Variants in CDH18 observed in about 807,000 individuals in gnomAD.
The protein encoded by CDH18 is cadherin-18.
Under a neutral mutation model 67.9 loss-of-function variants are expected in CDH18, and 31 were observed. The observed-to-expected ratio is 0.46, with a 90% CI of 0.34 to 0.62. CDH18 has a LOEUF of 0.62. Among genes scored for constraint, CDH18 ranks in the 20% least tolerant of loss-of-function variants. The pLI, the probability that CDH18 is intolerant of heterozygous loss-of-function variation, is 0.01. For synonymous variants in CDH18, 362 were observed against 347.2 expected (o/e 1.04, Z -0.48); for missense variants, 890 against 975.5 (o/e 0.91, Z 1.17).
At chr5:20,131,239 A>G (rs1749245701) in intron 2 of CDH18, among the ~76,000 whole-genome samples, 1 of 152,062 alleles carries the variant, frequency 6.6e-6, no homozygotes, top group Admixed American at 6.6e-5. Flanking sequence ...AAAACAGTAA[A>G]TATTGCTCTG....
chr5:20,044,020 T>C (rs1740684475), intron 2 of CDH18, among the ~76,000 whole-genome samples: 1 of 152,138 alleles, frequency 6.6e-6, no homozygotes, highest in East Asian at 1.9e-4. Flanking sequence ...AGTTAGAAAG[T>C]GAAGGGAGTG....
chr5:19,926,455 T>C (rs999384267), intron 2 of CDH18, among the ~76,000 whole-genome samples: 12 of 152,288 alleles, frequency 7.9e-5, no homozygotes, highest in Admixed American at 5.9e-4. Context: ...GGACTACATG[T>C]ACTTACTTAT....
chr5:19,641,925 C>T (rs1030263102), intron 5 of CDH18, among the ~76,000 whole-genome samples: 1 of 151,794 alleles, frequency 6.6e-6, no homozygotes, highest in Non-Finnish European at 1.5e-5. Context: ...AGGTCCTCTG[C>T]ATATATGTAG....
At chr5:20,327,933 A>T (rs1372527026) in intron 1 of CDH18, among the ~76,000 whole-genome samples, 1 of 151,930 alleles carries the variant, frequency 6.6e-6, no homozygotes, top group East Asian at 1.9e-4. Flanking sequence ...TAAAAGAAAA[A>T]GTCTGAAGGA....
At chr5:20,430,374 T>A (rs1165085481) in intron 1 of CDH18, among the ~76,000 whole-genome samples, 1 of 152,072 alleles carries the variant, frequency 6.6e-6, no homozygotes, top group East Asian at 1.9e-4. Context: ...AAACTGAAGT[T>A]AAGATGAGTG....
At position 20,511,554 on chromosome 5, in the gene CDH18, G is replaced by T. The variant is rs1755038771; in HGVS notation, c.-580+63908C>A. ...AGATTAAAAGTGATATAACCCCTAT[G>T]AACAGTGAATGGAATTATATTCAAC... On this transcript the variant is annotated intron_variant, in intron 1 of 14. Transcript: ENST00000507958. Among the ~76,000 whole-genome samples, 3 of 152,144 alleles carry T rather than the reference G, an allele frequency of 2.0e-5. No homozygotes were observed. The South Asian group carries it at 6.2e-4, about 32-fold the overall frequency.
At chr5:19,624,044 G>C (rs1751125033) in intron 5 of CDH18, among the ~76,000 whole-genome samples, 2 of 148,280 alleles carry the variant, frequency 1.3e-5, no homozygotes, top group Non-Finnish European at 3.0e-5. Flanking sequence ...TTTCACTCTT[G>C]TTCCCCCAGC....
chr5:20,538,898 GT>G (rs376091293), intron 1 of CDH18, among the ~76,000 whole-genome samples: 3 of 106,766 alleles, frequency 2.8e-5, no homozygotes, highest in African/African-American at 6.4e-5. Context: ...ATAGCCAACT[GT>G]TTTTTTTTTG....
chr5:20,103,168 T>G (rs1746621306), intron 2 of CDH18, among the ~76,000 whole-genome samples: 1 of 152,190 alleles, frequency 6.6e-6, no homozygotes, highest in African/African-American at 2.4e-5. Context: ...GAAACATCCC[T>G]TGTCAAATTG....
At chr5:19,576,608 G>A (rs1400017113) in intron 7 of CDH18, among the ~76,000 whole-genome samples, 1 of 152,172 alleles carries the variant, frequency 6.6e-6, no homozygotes, top group Non-Finnish European at 1.5e-5. Context: ...GTATTGGCAA[G>A]GATGTGGAGA....
At chr5:19,872,699 T>C (rs1160975483) in intron 2 of CDH18, among the ~76,000 whole-genome samples, 1 of 152,210 alleles carries the variant, frequency 6.6e-6, no homozygotes, top group African/African-American at 2.4e-5. Flanking sequence ...AGAGCTTCAG[T>C]TAAGTCAGCT....
intron 5 of CDH18, among the ~76,000 whole-genome samples, chr5:19,656,597 A>T (rs1364181868): frequency 6.6e-6 from 1 of 152,096 alleles, no homozygotes; most frequent in Non-Finnish European, 1.5e-5. Flanking sequence ...AATATATAAA[A>T]TGTCAGGTGG....
At chr5:20,095,589 G>GAAAGAAAGAAAGA (rs1745915545) in intron 2 of CDH18, among the ~76,000 whole-genome samples, 2 of 141,744 alleles carry the variant, frequency 1.4e-5, no homozygotes, top group African/African-American at 5.3e-5. Flanking sequence ...AGGAAGAAAG[G>GAAAGAAAGAAAGA]AAGAAAGAAG....
At chr5:20,049,139 AAT>A (rs1741175619) in intron 2 of CDH18, among the ~76,000 whole-genome samples, 1 of 151,784 alleles carries the variant, frequency 6.6e-6, no homozygotes, top group African/African-American at 2.4e-5. Context: ...GCTAACAGCT[AAT>A]AAAATATAAA....
chr5:20,299,548 C>G (rs916927493), intron 1 of CDH18, among the ~76,000 whole-genome samples: 6 of 151,834 alleles, frequency 4.0e-5, no homozygotes, highest in African/African-American at 1.5e-4. Context: ...ATCACAAGGT[C>G]AGAAGTTCGA....
intron 2 of CDH18, among the ~76,000 whole-genome samples, chr5:20,205,033 C>G (rs972061048): frequency 2.6e-5 from 4 of 151,862 alleles, no homozygotes; most frequent in Non-Finnish European, 5.9e-5. Context: ...AGAAAACAAG[C>G]AACAGAATGG....
Position 19,557,126 on chromosome 5 carries a change from G to A in CDH18, c.1254-13121C>T, listed in dbSNP as rs1010475231. The stretch of plus-strand genomic sequence containing the variant: ...CTACCAAGCCAGCACTACAAGAACT[G>A]CTAAAAGGAGATCTAAATATTGAAA... On this transcript the variant is annotated intron_variant, in intron 8 of 12. Transcript: ENST00000382275. 3.3e-5 allele frequency among the ~76,000 whole-genome samples: 5 copies of A among 152,016 alleles called. No individual in the cohort carries two copies. The East Asian group carries it at 9.6e-4, about 29-fold the overall frequency.
At chr5:20,344,014 C>T (rs186546069) in intron 1 of CDH18, among the ~76,000 whole-genome samples, 1 of 151,992 alleles carries the variant, frequency 6.6e-6, no homozygotes, top group Non-Finnish European at 1.5e-5. Flanking sequence ...TGGAAGGGCT[C>T]CATAAAAGAA....
At chr5:20,178,291 A>G (rs1237320670) in intron 2 of CDH18, among the ~76,000 whole-genome samples, 3 of 152,016 alleles carry the variant, frequency 2.0e-5, no homozygotes, top group Non-Finnish European at 4.4e-5. Context: ...AGCCTCGACA[A>G]TCACATAAGT....
Sources: allele counts gnomAD v4.1 joint callset (sites outside exome capture counted in the v4.1 genomes callset), GRCh38; gene constraint gnomAD v4.1.1; transcripts MANE v1.5; gene names NCBI Gene and HGNC (gene_info 2026-07-23, HGNC 2026-07-21).